Variants in DNAH9 observed in about 807,000 individuals in gnomAD.
DNAH9 encodes DNAH9 variant protein.
A neutral mutation model predicts 471.6 loss-of-function variants in DNAH9; 345 were observed. That is an observed-to-expected ratio of 0.73 (90% CI 0.67 to 0.80). The LOEUF is 0.80. Ranked by LOEUF, DNAH9 falls within the 30% of genes least tolerant of loss-of-function variation. The pLI, the probability that DNAH9 is intolerant of heterozygous loss-of-function variation, is 0.00. For missense variants in DNAH9, 5,407 were observed against 5,609.2 expected, an observed-to-expected ratio of 0.96 and a Z score of 1.15; for synonymous variants, 2,093 against 2,123.6, an observed-to-expected ratio of 0.99 and a Z score of 0.40.
At chr17:11,852,814 G>GTGTGTGTGTA (rs1169950713) in intron 49 of DNAH9, among the ~76,000 whole-genome samples, 12 of 92,666 alleles carry the variant, frequency 1.3e-4, no homozygotes, top group Non-Finnish European at 2.2e-4. Context: ...GTGTGTGTGT[G>GTGTGTGTGTA]TATATATATA....
chr17:11,778,629 G>A (rs1968555710), intron 38 of DNAH9, among the ~76,000 whole-genome samples: 1 of 152,036 alleles, frequency 6.6e-6, no homozygotes, highest in African/African-American at 2.4e-5. Context: ...GGGAAGATGT[G>A]TAGTTACCAG....
intron 50 of DNAH9, among the ~76,000 whole-genome samples, chr17:11,858,806 C>T (rs189690729): frequency 1.4e-4 from 22 of 152,128 alleles, no homozygotes; most frequent in East Asian, 5.8e-4. Flanking sequence ...CTTTAATGGC[C>T]GGCACAGTGC....
At chr17:11,602,893 C>T (rs1416886435) in intron 1 of DNAH9, among the ~76,000 whole-genome samples, 1 of 152,208 alleles carries the variant, frequency 6.6e-6, no homozygotes, top group Non-Finnish European at 1.5e-5. Flanking sequence ...ACCCTGACTA[C>T]AACAGTCCTT....
chr17:11,647,229 G>A, intron 12 of DNAH9, 31 bp downstream of exon 12: 1 of 1,603,832 alleles, frequency 6.2e-7, no homozygotes, highest in Admixed American at 1.7e-5. Flanking sequence ...TCTCTTTTGG[G>A]TTCCTGAAGA....
At chr17:11,685,100 G>C (rs1236079833) in intron 19 of DNAH9, among the ~76,000 whole-genome samples, 1 of 152,082 alleles carries the variant, frequency 6.6e-6, no homozygotes. Context: ...AGGACTTATA[G>C]CCTCAGGGAC....
intron 19 of DNAH9, 74 bp downstream of exon 19, chr17:11,680,963 G>A: frequency 7.3e-7 from 1 of 1,367,050 alleles, no homozygotes; most frequent in Non-Finnish European, 1.0e-6. Context: ...CTTTTTGTGG[G>A]GCGTGTGTAT....
At chr17:11,803,468 T>G (rs1214906705) in intron 43 of DNAH9, among the ~76,000 whole-genome samples, 1 of 152,224 alleles carries the variant, frequency 6.6e-6, no homozygotes, top group Non-Finnish European at 1.5e-5. Context: ...CGATGGTGCA[T>G]CTTCAGCTTT....
intron 48 of DNAH9, 82 bp from the exon 49 acceptor site, chr17:11,834,556 G>A: frequency 6.5e-7 from 1 of 1,548,300 alleles, no homozygotes; most frequent in Non-Finnish European, 8.8e-7. Flanking sequence ...CTCAGGTCAT[G>A]CCCAACAGGC....
chr17:11,620,385 C>T (rs570269408), intron 6 of DNAH9, among the ~76,000 whole-genome samples: 13 of 150,776 alleles, frequency 8.6e-5, no homozygotes, highest in South Asian at 2.1e-4. Flanking sequence ...TGGTGGCACA[C>T]GCCTGTAATC....
In DNAH9 at chr17:11,703,018, G is replaced by A. The variant is rs762472784; in HGVS notation, c.5152-1185G>A. On this transcript the variant is annotated intron_variant, in intron 24 of 68. Coordinates refer to ENST00000262442, the MANE Select transcript of DNAH9 (RefSeq NM_001372.4). Reference sequence around the variant, plus strand: ...TGAGGCAGGAGAATGGCGTGAACCCGGGAGGCGGAGCTTGCAGTAAGCTGA... The same window carrying A: ...TGAGGCAGGAGAATGGCGTGAACCCAGGAGGCGGAGCTTGCAGTAAGCTGA... Among the ~76,000 whole-genome samples, 36 of 151,790 alleles carry A rather than the reference G, an allele frequency of 2.4e-4. No individual in the cohort carries two copies. In the Middle Eastern group the frequency reaches 0.014, roughly 57 times the overall value.
intron 35 of DNAH9, among the ~76,000 whole-genome samples, chr17:11,762,192 C>T (rs979660756): frequency 2.0e-5 from 3 of 152,170 alleles, no homozygotes; most frequent in African/African-American, 7.2e-5. Context: ...AGCACAAATG[C>T]TAAAAAGTGA....
chr17:11,652,663 C>T (rs2073538905), intron 13 of DNAH9, 98 bp from the exon 14 acceptor site: 1 of 1,133,962 alleles, frequency 8.8e-7, no homozygotes, highest in Non-Finnish European at 1.3e-6. Context: ...AGTCTTATAA[C>T]ACTCGCAAGT....
At chr17:11,861,115 C>T (rs867206660) in intron 50 of DNAH9, among the ~76,000 whole-genome samples, 3 of 151,044 alleles carry the variant, frequency 2.0e-5, no homozygotes, top group Admixed American at 6.6e-5. Flanking sequence ...CATGCTGGTG[C>T]GCTGCACCCA....
At chr17:11,905,870 G>A (rs1017827497) in intron 61 of DNAH9, 61 bp downstream of exon 61, 20 of 1,513,996 alleles carry the variant, frequency 1.3e-5, no homozygotes, top group African/African-American at 5.6e-5. Context: ...TCATTCTTGG[G>A]GTCTATTGAT....
chr17:11,889,305 CT>C (rs1413093418), intron 57 of DNAH9, among the ~76,000 whole-genome samples: 2 of 152,192 alleles, frequency 1.3e-5, no homozygotes, highest in Non-Finnish European at 1.5e-5. Flanking sequence ...GCCCAAGGGC[CT>C]ATTGTCCTGT....
At position 11,957,475 on chromosome 17, in the gene DNAH9, A is replaced by C. The variant is rs561921320; in HGVS notation, c.12844-4392A>C. Among the ~76,000 whole-genome samples the C allele has an allele frequency of 2.6e-4, 39 of 152,196 alleles. No homozygotes were observed. In the South Asian group the frequency reaches 7.5e-3, roughly 29 times the overall value. On this transcript the variant is annotated intron_variant, in intron 67 of 68. Transcript: ENST00000262442. Reference sequence around the variant, plus strand: ...TAAGACTCTGGAATATGTAGAGAGGAATGAAGACTATCTATGAACCTCAGG... The same window carrying C: ...TAAGACTCTGGAATATGTAGAGAGGCATGAAGACTATCTATGAACCTCAGG...
chr17:11,639,997 C>T (rs560687201), intron 9 of DNAH9, among the ~76,000 whole-genome samples: 1 of 152,262 alleles, frequency 6.6e-6, no homozygotes, highest in African/African-American at 2.4e-5. Context: ...GAGTTAGACT[C>T]CTTGAAACAC....
In DNAH9 at chr17:11,937,522, G is replaced by A; in HGVS notation, c.12660G>A (p.Lys4220=). Residue 4220 remains lysine, a splice_region_variant and synonymous_variant, in exon 66 of 69, where the codon AAG becomes AAA. Transcript: ENST00000262442. This position sits in a 1 kb window ranked among gnomAD's most constrained non-coding sequence, Gnocchi z 4.1. The stretch of plus-strand genomic sequence containing the variant: ...GAGCGGGCGCCACAAGAGAAGAAAA[G>A]GTGTGTGTGGTGGGGACTGCCTGAG... ...RDGAGATREE[K]VKALLEEILE... 1 of 1,610,182 alleles carries A rather than the reference G, an allele frequency of 6.2e-7. No individual in the cohort carries two copies. The highest frequency in any genetic ancestry group is 8.5e-7 in the Non-Finnish European group (1 of 1,177,676).
intron 14 of DNAH9, among the ~76,000 whole-genome samples, chr17:11,654,300 GAGCCGAGATTGCGCCACTGCACTCC>G (rs2073582001): frequency 1.1e-5 from 1 of 89,392 alleles, no homozygotes; most frequent in Admixed American, 1.5e-4. Context: ...AGCTTGCAGT[GAGCCGAGATTGCGCCACTGCACTCC>G]AGCCTGGGCC....
Sources: gnomAD v4.1 joint callset for allele counts (sites outside exome capture counted in the v4.1 genomes callset) on GRCh38, gnomAD v4.1.1 for gene constraint, Gnocchi (gnomAD v3.1) non-coding constraint, MANE v1.5 for transcripts, NCBI Gene and HGNC (gene_info 2026-07-23, HGNC 2026-07-21) for gene names.